NT5DC4: variants seen among roughly 807,000 people sequenced by gnomAD.
The protein encoded by NT5DC4 is 5'-nucleotidase domain containing 4, also known as 5'-nucleotidase domain-containing protein 4.
Under a neutral mutation model 26.6 loss-of-function variants are expected in NT5DC4, and 44 were observed. That is an observed-to-expected ratio of 1.65 (90% confidence interval 1.30 to 2.13). The LOEUF (loss-of-function observed/expected upper bound fraction) is 2.13, where lower values mean the gene tolerates loss of function less well. Among genes scored for constraint, NT5DC4 ranks in the 30% most tolerant of loss-of-function variants. The probability of loss-of-function intolerance (pLI) is 0.00; values close to 1 mark genes in which losing one functional copy is unlikely to be tolerated. For missense variants in NT5DC4, 399 were observed against 228.1 expected (o/e 1.75, Z -4.83); for synonymous variants, 157 against 86.7 (o/e 1.81, Z -4.51).
At chr2:112,735,200 C>T (rs553538909) in intron 16 of NT5DC4, among the ~76,000 whole-genome samples, 67 of 151,976 alleles carry the variant, frequency 4.4e-4, no homozygotes, top group African/African-American at 1.5e-3. Context: ...CGTACCCCCA[C>T]GCCTGGATAA....
Position 112,724,845 on chromosome 2 carries a change from C to T in NT5DC4, c.854C>T (p.Pro285Leu). 1.4e-6 allele frequency: 1 copy of T among 717,214 alleles called. No homozygotes were observed. Among genetic ancestry groups the T allele is most frequent in the South Asian group, 1.5e-5 (1 of 67,602 alleles). The allele number at this position is 717,214 out of a possible 1,614,324, so 44.4% of individuals were successfully genotyped here. The change falls in exon 11 of 17, where the codon CCC (proline) becomes CTC (leucine). Residue 285 changes from proline (P) to leucine (L), a missense_variant. By Grantham distance (98) the Pro-to-Leu change is moderately conservative. Transcript: ENST00000688554. ...CTGATCGTGGTGGACACGCAGAAGC[C>T]CCACTTCTTTGCAGAGGGGTTGGTC... ...FDLIVVDTQKPHFFAEGLVLR... is the reference protein window; with the variant it reads ...FDLIVVDTQKLHFFAEGLVLR...
At chr2:112,719,907 TC>T (rs1298513586), upstream of NT5DC4, among the ~76,000 whole-genome samples, 14 of 112,128 alleles carry the variant, frequency 1.2e-4, no homozygotes, top group Non-Finnish European at 1.7e-5. Flanking sequence ...TCTTTCTTTT[TC>T]TTTCTTTCTT....
intron 16 of NT5DC4, among the ~76,000 whole-genome samples, chr2:112,732,021 T>A (rs1177496671): frequency 6.6e-6 from 1 of 151,302 alleles, no homozygotes; most frequent in Non-Finnish European, 1.5e-5. Flanking sequence ...AAGCAATTCT[T>A]CTGCCTCAAC....
intron 15 of NT5DC4, among the ~76,000 whole-genome samples, chr2:112,727,795 C>T (rs1316172419): frequency 7.8e-6 from 1 of 127,632 alleles, no homozygotes; most frequent in African/African-American, 2.5e-5. Flanking sequence ...GCCCCTCTGG[C>T]CAGAGGGTCA....
At chr2:112,741,488 GC>G (rs1477306083), downstream of NT5DC4, among the ~76,000 whole-genome samples, 2 of 152,174 alleles carry the variant, frequency 1.3e-5, no homozygotes. Context: ...TTTCATGGTA[GC>G]CCAAACACAA....
rs1040896613 is a variant in NT5DC4 at position 112,725,260 on chromosome 2, C to T, written c.982+20C>T. 20 of 702,940 alleles carry T rather than the reference C, an allele frequency of 2.8e-5. No individual in the cohort carries two copies. The highest frequency in any genetic ancestry group is 5.4e-5 in the Non-Finnish European group (20 of 373,386). The allele number at this position is 702,940 out of a possible 1,614,324, so 43.5% of individuals were successfully genotyped here. On this transcript the variant is annotated intron_variant, in intron 12 of 16. Coordinates refer to ENST00000688554, the MANE Select transcript of NT5DC4 (RefSeq NM_001393655.1). ...CTGGAGGTACCAGCTCCCACCATGC[C>T]CCATCACTCCTTGGGCACCCTCCTT... is the stretch of plus-strand genomic sequence containing the variant.
chr2:112,729,329 C>T (rs946287948), intron 15 of NT5DC4, among the ~76,000 whole-genome samples: 11 of 152,178 alleles, frequency 7.2e-5, no homozygotes, highest in Non-Finnish European at 1.2e-4. Flanking sequence ...ACCATGTTGC[C>T]CAGGCTGGTC....
intron 7 of NT5DC4, 24 bp from the exon 8 acceptor site, chr2:112,723,394 C>CACACACACACACAG (rs752115339): frequency 1.2e-4 from 87 of 716,080 alleles, no homozygotes; most frequent in African/African-American, 4.6e-4. Flanking sequence ...CACACACACA[C>CACACACACACACAG]AGGCACTTTG....
chr2:112,727,284 C>G (rs1050262877), intron 15 of NT5DC4: 3 of 169,692 alleles, frequency 1.8e-5, no homozygotes, highest in African/African-American at 7.1e-5. Context: ...TTGATCTTCC[C>G]CACAGCCTTA....
chr2:112,722,651 C>T (rs1677052462), intron 5 of NT5DC4, 62 bp downstream of exon 5: 1 of 717,380 alleles, frequency 1.4e-6, no homozygotes, highest in Non-Finnish European at 2.6e-6. Flanking sequence ...GGTCCCAGCT[C>T]TGTCCTGGTG....
intron 15 of NT5DC4, among the ~76,000 whole-genome samples, chr2:112,729,380 C>T (rs961509839): frequency 2.0e-5 from 3 of 152,246 alleles, no homozygotes; most frequent in African/African-American, 7.2e-5. Context: ...CCTCGGCCTC[C>T]CAAAGTGCTG....
chr2:112,742,516 G>A, downstream of NT5DC4: 1 of 717,950 alleles, frequency 1.4e-6, no homozygotes. Context: ...GTTCAGTATT[G>A]AGTAGTGCAT....
At chr2:112,739,694 GCCCAGGCTAGAGT>G (rs1679735347), downstream of NT5DC4, among the ~76,000 whole-genome samples, 1 of 152,158 alleles carries the variant, frequency 6.6e-6, no homozygotes, top group South Asian at 2.1e-4. Flanking sequence ...TCACTCTGTT[GCCCAGGCTAGAGT>G]CCAGTGGTGC....
At chr2:112,719,992 C>CTTTCTTTCTTTCT, upstream of NT5DC4, among the ~76,000 whole-genome samples, 42 of 60,330 alleles carry the variant, frequency 7.0e-4, no homozygotes, top group African/African-American at 2.6e-3. Context: ...CTTTCTTTTT[C>CTTTCTTTCTTTCT]TTTTCTTTTC....
At chr2:112,741,704 C>A (rs1340138300), downstream of NT5DC4, among the ~76,000 whole-genome samples, 2 of 152,092 alleles carry the variant, frequency 1.3e-5, no homozygotes, top group Non-Finnish European at 2.9e-5. Flanking sequence ...ATTTTATGTC[C>A]TTCTTACCAC....
chr2:112,725,043 G>T, intron 11 of NT5DC4, 131 bp from the exon 12 acceptor site: 2 of 649,740 alleles, frequency 3.1e-6, no homozygotes, highest in Middle Eastern at 2.7e-4. Flanking sequence ...CGCCTTCAGC[G>T]CCCTCTGCTG....
At chr2:112,727,476 G>A (rs928149522) in intron 15 of NT5DC4, among the ~76,000 whole-genome samples, 1 of 152,152 alleles carries the variant, frequency 6.6e-6, no homozygotes, top group Non-Finnish European at 1.5e-5. Flanking sequence ...TGGGGGTGTC[G>A]CCTTGCCAAG....
chr2:112,740,264 A>G (rs1322723209), downstream of NT5DC4, among the ~76,000 whole-genome samples: 1 of 152,174 alleles, frequency 6.6e-6, no homozygotes, highest in East Asian at 1.9e-4. Context: ...GGTAACTAAA[A>G]CAAAGAACTG....
upstream of NT5DC4, among the ~76,000 whole-genome samples, chr2:112,719,904 T>TTTTCTTTCTTTCTTTCTTTC (rs1172710335): frequency 3.0e-5 from 3 of 98,742 alleles, no homozygotes; most frequent in Non-Finnish European, 6.0e-5. Context: ...CTTTCTTTCT[T>TTTTCTTTCTTTCTTTCTTTC]TTTCTTTCTT....
Sources: allele counts gnomAD v4.1 joint callset (sites outside exome capture counted in the v4.1 genomes callset), GRCh38; gene constraint gnomAD v4.1.1; transcripts MANE v1.5; gene names NCBI Gene and HGNC (gene_info 2026-07-23, HGNC 2026-07-21).